Variants in SLC4A7 observed in about 807,000 individuals in gnomAD.
SLC4A7 encodes sodium bicarbonate cotransporter 3.
In SLC4A7, 51 loss-of-function variants were observed where a neutral mutation model predicts 137.6. The ratio of observed to expected loss-of-function variants is 0.37; its 90% CI spans 0.30 to 0.47. The LOEUF (loss-of-function observed/expected upper bound fraction) is 0.47. Ranked by LOEUF, SLC4A7 falls within the 20% of genes least tolerant of loss-of-function variation. The pLI, the probability that SLC4A7 is intolerant of heterozygous loss-of-function variation, is 1.00. For missense variants in SLC4A7, 1,247 were observed against 1,525.4 expected (o/e 0.82, Z 3.04); for synonymous variants, 542 against 518.6 (o/e 1.05, Z -0.61).
chr3:27,463,858 C>A (rs572771019), intron 1 of SLC4A7, among the ~76,000 whole-genome samples: 2 of 152,314 alleles, frequency 1.3e-5, no homozygotes, highest in Admixed American at 6.5e-5. Context: ...AAGTTCATAA[C>A]CCCTTACCTT....
intron 3 of SLC4A7, among the ~76,000 whole-genome samples, chr3:27,444,691 A>G (rs931135641): frequency 6.6e-6 from 1 of 152,100 alleles, no homozygotes; most frequent in Non-Finnish European, 1.5e-5. Flanking sequence ...TCTCTTTAAC[A>G]GTCATATTCT....
intron 1 of SLC4A7, among the ~76,000 whole-genome samples, chr3:27,460,284 C>T (rs188347583): frequency 1.4e-4 from 22 of 152,224 alleles, no homozygotes; most frequent in African/African-American, 1.7e-4. Flanking sequence ...TAACCACCCA[C>T]CTGGGCCTCC....
At chr3:27,407,911 C>A (rs28651791) in intron 13 of SLC4A7, among the ~76,000 whole-genome samples, 23,031 of 151,988 alleles carry the variant, frequency 0.15, 1,896 homozygotes, top group African/African-American at 0.23. Flanking sequence ...TCCTCCTCAC[C>A]ACTCTACACA....
Position 27,478,178 on chromosome 3 carries a change from A to G in SLC4A7, c.60+5889T>C, listed in dbSNP as rs184939631. ...AATCAGAACCAAATGATACTAGTTCACATAAAATTCTCTGAAAAATGAGGA... is the reference window on the plus strand; with the variant it reads ...AATCAGAACCAAATGATACTAGTTCGCATAAAATTCTCTGAAAAATGAGGA... On this transcript the variant is annotated intron_variant, in intron 1 of 25. Transcript: ENST00000454389. Among the ~76,000 whole-genome samples the G allele has an allele frequency of 3.1e-3, 474 of 151,180 alleles. 3 individuals carry two copies. Among genetic ancestry groups the G allele is most frequent in the African/African-American group, 0.011 (460 of 41,314 alleles).
At position 27,389,955 on chromosome 3, in the gene SLC4A7, A is replaced by T. The variant is rs2150072790; in HGVS notation, c.3336T>A (p.Ala1112=). 13 of 1,613,750 alleles carry T rather than the reference A, an allele frequency of 8.1e-6. No homozygotes were observed. The highest frequency in any genetic ancestry group is 1.7e-4 in the Middle Eastern group (1 of 6,060). The change falls in exon 22 of 26, where the codon GCT becomes GCA. Residue 1112 remains alanine, a synonymous_variant. Coordinates refer to ENST00000454389, the MANE Select transcript of SLC4A7 (RefSeq NM_001321103.2). Reference sequence around the variant, plus strand: ...CCATCATGGGAAAAACCACTGCAGCAGCTGAAACTTTTATCACCCATAAAA... The same window carrying T: ...CCATCATGGGAAAAACCACTGCAGCTGCTGAAACTTTTATCACCCATAAAA... ...LVLLWVIKVS[A]AAVVFPMMVL... is the part of the protein sequence containing the mutation.
intron 11 of SLC4A7, among the ~76,000 whole-genome samples, chr3:27,417,187 T>C (rs1024866647): frequency 1.3e-5 from 2 of 151,912 alleles, no homozygotes; most frequent in African/African-American, 4.8e-5. Context: ...TGAATACAAA[T>C]GGAATTTTAG....
intron 7 of SLC4A7, among the ~76,000 whole-genome samples, chr3:27,425,338 C>T (rs981736767): frequency 4.5e-5 from 6 of 133,556 alleles, no homozygotes; most frequent in Non-Finnish European, 9.3e-5. Context: ...CCATTGCACT[C>T]CAGCCTGGGC....
chr3:27,426,664 T>C (rs1334221809), intron 7 of SLC4A7, among the ~76,000 whole-genome samples: 2 of 152,194 alleles, frequency 1.3e-5, no homozygotes, highest in African/African-American at 4.8e-5. Flanking sequence ...GAACTCAACA[T>C]TGACAAAGTT....
At chr3:27,436,750 C>G (rs1003536280) in intron 4 of SLC4A7, among the ~76,000 whole-genome samples, 2 of 151,954 alleles carry the variant, frequency 1.3e-5, no homozygotes, top group African/African-American at 4.8e-5. Context: ...TCTTTCTATT[C>G]TAGGTATCAT....
chr3:27,431,147 A>C (rs918683985), intron 7 of SLC4A7, 151 bp downstream of exon 7: 2 of 845,714 alleles, frequency 2.4e-6, no homozygotes, highest in Middle Eastern at 4.0e-4. Context: ...ACCTAACACA[A>C]TCTATCATAA....
intron 1 of SLC4A7, among the ~76,000 whole-genome samples, chr3:27,477,534 T>C (rs1338235202): frequency 6.6e-6 from 1 of 152,222 alleles, no homozygotes; most frequent in Non-Finnish European, 1.5e-5. Flanking sequence ...AGATCTCTGT[T>C]TGGCAATACC....
intron 8 of SLC4A7, 56 bp from the exon 9 acceptor site, chr3:27,421,835 G>C (rs1262241934): frequency 3.6e-6 from 5 of 1,375,050 alleles, no homozygotes; most frequent in South Asian, 2.7e-5. Flanking sequence ...TAAGACTAGA[G>C]AGAAACAGGA....
chr3:27,388,382 AG>A (rs1467409591), intron 22 of SLC4A7, among the ~76,000 whole-genome samples: 7 of 152,194 alleles, frequency 4.6e-5, no homozygotes, highest in African/African-American at 1.7e-4. Context: ...AAAATTGCAT[AG>A]GTTTCCATCT....
intron 1 of SLC4A7, among the ~76,000 whole-genome samples, chr3:27,459,971 TTATATATA>T (rs10552466): frequency 2.1e-5 from 3 of 144,588 alleles, no homozygotes; most frequent in African/African-American, 7.6e-5. Context: ...TCAGTGTTAT[TTATATATA>T]TATATATATA....
intron 1 of SLC4A7, among the ~76,000 whole-genome samples, chr3:27,481,145 A>G (rs959644833): frequency 2.0e-5 from 3 of 152,198 alleles, no homozygotes; most frequent in Non-Finnish European, 2.9e-5. Context: ...GATTTAACCT[A>G]TACTGGAAAA....
chr3:27,420,533 A>G (rs2054860121), intron 10 of SLC4A7, among the ~76,000 whole-genome samples, 167 bp downstream of exon 10: 1 of 152,184 alleles, frequency 6.6e-6, no homozygotes, highest in South Asian at 2.1e-4. Flanking sequence ...GGTCTTAAAA[A>G]CCTAACCGAA....
At chr3:27,382,077 G>GA (rs1559618349) in intron 24 of SLC4A7, among the ~76,000 whole-genome samples, 1 of 151,620 alleles carries the variant, frequency 6.6e-6, no homozygotes, top group East Asian at 1.9e-4. Flanking sequence ...CAAAAAAAAA[G>GA]AAAAAAAATA....
chr3:27,395,093 C>A lies in SLC4A7; in HGVS notation c.2726G>T (p.Trp909Leu). The change falls in exon 19 of 26, where the codon TGG (tryptophan) becomes TTG (leucine). Residue 909 changes from tryptophan to leucine, a missense_variant. Trp to Leu is a moderately conservative substitution (Grantham distance 61, BLOSUM62 -2). Transcript: ENST00000454389. Reference sequence around the variant, plus strand: ...ATTATCTCCCAGTGGGCTTATGATCCACCCTCTCTCTGGATGAGTAGGCTG... The same window carrying A: ...ATTATCTCCCAGTGGGCTTATGATCAACCCTCTCTCTGGATGAGTAGGCTG... ...KFEPTHPERG[W>L]IISPLGDNPW... is the part of the protein sequence containing the mutation. The A allele has an allele frequency of 6.3e-7, 1 of 1,592,748 alleles. No homozygotes were observed. Among genetic ancestry groups the A allele is most frequent in the Admixed American group, 1.9e-5 (1 of 53,312 alleles).
chr3:27,481,217 A>T (rs1385767729), intron 1 of SLC4A7, among the ~76,000 whole-genome samples: 1 of 151,964 alleles, frequency 6.6e-6, no homozygotes, highest in African/African-American at 2.4e-5. Context: ...GCTTACAATT[A>T]TGAGGCTTTA....
Sources: gnomAD v4.1 joint callset for allele counts (sites outside exome capture counted in the v4.1 genomes callset) on GRCh38, gnomAD v4.1.1 for gene constraint, MANE v1.5 for transcripts, NCBI Gene and HGNC (gene_info 2026-07-23, HGNC 2026-07-21) for gene names.